Variants in NFATC1 observed in about 807,000 individuals in gnomAD.
NFATC1 encodes nuclear factor of activated T-cells, cytoplasmic 1.
In NFATC1, 22 loss-of-function variants were observed where a neutral mutation model predicts 76.0. The ratio of observed to expected loss-of-function variants is 0.29; its 90% CI spans 0.21 to 0.41. The LOEUF is 0.41. NFATC1 is among the 10% of genes least tolerant of loss of function. The pLI is 1.00. For missense variants in NFATC1, 1,357 were observed against 1,337.7 expected, an observed-to-expected ratio of 1.01 and a Z score of -0.23; for synonymous variants, 704 against 613.1, an observed-to-expected ratio of 1.15 and a Z score of -2.19.
intron 3 of NFATC1, among the ~76,000 whole-genome samples, chr18:79,444,832 G>A (rs986768211): frequency 1.1e-4 from 16 of 152,256 alleles, no homozygotes; most frequent in South Asian, 8.3e-4. Flanking sequence ...TGGTGCACAC[G>A]CCCACACTCA....
chr18:79,483,150 T>C (rs1189494384), intron 8 of NFATC1, among the ~76,000 whole-genome samples: 4 of 71,044 alleles, frequency 5.6e-5, no homozygotes, highest in African/African-American at 2.5e-4. Context: ...GTTCCTGGGG[T>C]GTAATTCCAG....
chr18:79,426,666 G>T (rs922195456), intron 2 of NFATC1, among the ~76,000 whole-genome samples: 1 of 152,228 alleles, frequency 6.6e-6, no homozygotes, highest in Admixed American at 6.5e-5. Flanking sequence ...CGGGAAGCCC[G>T]GACCCCCCTG....
intron 9 of NFATC1, among the ~76,000 whole-genome samples, chr18:79,505,886 A>G (rs1667707): frequency 0.7 from 83,361 of 118,836 alleles, 28,378 homozygotes; most frequent in Non-Finnish European, 0.81. Context: ...AGGCCCTTGG[A>G]TGAGGGAAGA....
Position 79,486,271 on chromosome 18 carries a change from A to G in NFATC1, c.2116A>G (p.Thr706Ala), listed in dbSNP as rs756680110. The G allele has an allele frequency of 6.2e-7, 1 of 1,609,724 alleles. No individual in the cohort carries two copies. Among genetic ancestry groups the G allele is most frequent in the African/African-American group, 1.3e-5 (1 of 74,678 alleles). Residue 706 changes from threonine to alanine, a missense_variant, in exon 9 of 10, where the codon ACT (threonine) becomes GCT (alanine). Physicochemically the swap from Thr to Ala is moderately conservative, Grantham distance 58. Transcript: ENST00000427363. ...AGTTCCAATTATAAAAACAGAACCC[A>G]CTGATGATTATGAGCCTGCTCCAAC... ...ANVPIIKTEP[T>A]DDYEPAPTCG...
intron 3 of NFATC1, among the ~76,000 whole-genome samples, chr18:79,444,241 T>C (rs1445943730): frequency 6.6e-6 from 1 of 151,822 alleles, no homozygotes; most frequent in African/African-American, 2.4e-5. Context: ...GGTGTGCACA[T>C]TTCCCAGTGT....
intron 9 of NFATC1, among the ~76,000 whole-genome samples, chr18:79,498,905 T>A (rs1216065915): frequency 1.3e-5 from 2 of 152,214 alleles, no homozygotes; most frequent in Non-Finnish European, 2.9e-5. Flanking sequence ...CAACCAAGAA[T>A]TCTATATCTA....
rs754095 is a variant in NFATC1, at chr18:79,487,053, G to A, written c.2782+116G>A. ...CGTGTGGAAGTGCACCGAGGCACCG[G>A]GCAGGGTGTGGGGTGCGTCCTCCTG... On this transcript the variant is annotated intron_variant, in intron 9 of 9. Transcript: ENST00000427363. 8.3e-5 allele frequency: 102 copies of A among 1,222,050 alleles called. No individual in the cohort carries two copies. The Admixed American group carries it at 9.3e-4, about 11-fold the overall frequency. The allele number at this position is 1,222,050 out of a possible 1,614,324, so 75.7% of individuals were successfully genotyped here. A position where few individuals can be genotyped will look rare whatever the true frequency, so the allele number is the denominator to read the frequency against.
intron 3 of NFATC1, among the ~76,000 whole-genome samples, chr18:79,440,250 C>T (rs1292006010): frequency 2.0e-5 from 3 of 152,222 alleles, no homozygotes; most frequent in Non-Finnish European, 2.9e-5. Context: ...GGCTCTGGCA[C>T]GGCCGTTGCT....
chr18:79,403,456 C>G (rs761995513), intron 1 of NFATC1, among the ~76,000 whole-genome samples: 5 of 152,234 alleles, frequency 3.3e-5, no homozygotes, highest in African/African-American at 7.2e-5. Flanking sequence ...GAGGAGGTCC[C>G]GCTCCCTTCT....
At chr18:79,487,950 A>T (rs1378499494) in intron 9 of NFATC1, among the ~76,000 whole-genome samples, 1 of 152,116 alleles carries the variant, frequency 6.6e-6, no homozygotes, top group Non-Finnish European at 1.5e-5. Flanking sequence ...TCCCAAGTGT[A>T]TGACGTTTCC....
intron 7 of NFATC1, among the ~76,000 whole-genome samples, chr18:79,466,840 C>T (rs929036849): frequency 4.6e-5 from 7 of 152,232 alleles, no homozygotes; most frequent in African/African-American, 1.4e-4. Context: ...CTCTGGGTTT[C>T]GCTGCAGTCA....
intron 1 of NFATC1, chr18:79,402,378 G>A (rs559496791): frequency 1.1e-4 from 108 of 985,430 alleles, no homozygotes; most frequent in East Asian, 9.1e-4. Context: ...CGCCTTCCAG[G>A]TGGGTTCAGG....
chr18:79,416,396 C>A (rs1273110556), intron 2 of NFATC1, among the ~76,000 whole-genome samples: 1 of 152,176 alleles, frequency 6.6e-6, no homozygotes, highest in African/African-American at 2.4e-5. Flanking sequence ...CGGGCCCCGG[C>A]AGTGTTGGGG....
intron 1 of NFATC1, among the ~76,000 whole-genome samples, chr18:79,398,586 C>T (rs1032321335): frequency 2.6e-5 from 4 of 152,202 alleles, no homozygotes; most frequent in Admixed American, 6.5e-5. Flanking sequence ...CCCACCGACC[C>T]CTTCTCTGGG....
At chr18:79,443,261 C>T (rs2087055401) in intron 3 of NFATC1, among the ~76,000 whole-genome samples, 1 of 152,226 alleles carries the variant, frequency 6.6e-6, no homozygotes. Flanking sequence ...GTATTGTCAG[C>T]TTGTGCACCG....
At chr18:79,435,224 C>T (rs1178859492) in intron 3 of NFATC1, among the ~76,000 whole-genome samples, 13 of 152,140 alleles carry the variant, frequency 8.5e-5, no homozygotes, top group Admixed American at 3.9e-4. Context: ...GCACTGACGT[C>T]GCCCTTTTCA....
chr18:79,475,082 ACT>A (rs1569007538), intron 8 of NFATC1, among the ~76,000 whole-genome samples: 1 of 84,080 alleles, frequency 1.2e-5, no homozygotes, highest in Non-Finnish European at 2.1e-5. Context: ...GTGTTCTCAC[ACT>A]CACTCGACGT....
At chr18:79,419,598 G>A (rs533174279) in intron 2 of NFATC1, among the ~76,000 whole-genome samples, 35 of 152,294 alleles carry the variant, frequency 2.3e-4, no homozygotes, top group African/African-American at 7.5e-4. Flanking sequence ...AGATGCCCCC[G>A]TGGAGACAGC....
intron 9 of NFATC1, among the ~76,000 whole-genome samples, chr18:79,522,714 G>A (rs915039288): frequency 2.6e-5 from 4 of 152,128 alleles, no homozygotes; most frequent in Non-Finnish European, 4.4e-5. Context: ...GGGAAGGGAC[G>A]GGGGCCAGAT....
Sources: allele counts gnomAD v4.1 joint callset (sites outside exome capture counted in the v4.1 genomes callset), GRCh38; gene constraint gnomAD v4.1.1; transcripts MANE v1.5; gene names NCBI Gene and HGNC (gene_info 2026-07-23, HGNC 2026-07-21).